Variants in SGCZ observed in about 807,000 individuals in gnomAD.
SGCZ encodes the protein sarcoglycan zeta.
Under a neutral mutation model 41.3 loss-of-function variants are expected in SGCZ, and 40 were observed. That is an observed-to-expected ratio of 0.97 (90% CI 0.75 to 1.26). The LOEUF is 1.26. SGCZ is among the 50% of genes most tolerant of loss of function. The probability of loss-of-function intolerance (pLI) is 0.00; values close to 1 mark genes in which losing one functional copy is unlikely to be tolerated. For missense variants in SGCZ, 552 were observed against 369.8 expected, an observed-to-expected ratio of 1.49 and a Z score of -4.04; for synonymous variants, 206 against 137.5, an observed-to-expected ratio of 1.50 and a Z score of -3.49.
At chr8:14,418,651 T>C (rs1347270919) in intron 2 of SGCZ, among the ~76,000 whole-genome samples, 1 of 151,942 alleles carries the variant, frequency 6.6e-6, no homozygotes. Flanking sequence ...AATACAGCAA[T>C]TGAAACTAAA....
chr8:14,641,162 C>T (rs188753967), intron 1 of SGCZ, among the ~76,000 whole-genome samples: 2 of 151,710 alleles, frequency 1.3e-5, no homozygotes, highest in African/African-American at 4.8e-5. Context: ...CAAATCATAT[C>T]AAAATTGCTT....
intron 1 of SGCZ, among the ~76,000 whole-genome samples, chr8:15,189,364 T>C (rs1233848779): frequency 6.6e-6 from 1 of 152,186 alleles, no homozygotes; most frequent in African/African-American, 2.4e-5. Flanking sequence ...AGAGGAATCA[T>C]GACCTCCTGA....
intron 1 of SGCZ, among the ~76,000 whole-genome samples, chr8:14,772,654 C>CACCT (rs1311385361): frequency 6.8e-6 from 1 of 148,008 alleles, no homozygotes; most frequent in African/African-American, 2.5e-5. Flanking sequence ...GTTCAATTCC[C>CACCT]ACCTATGAGT....
intron 3 of SGCZ, among the ~76,000 whole-genome samples, chr8:14,282,945 G>A (rs188042571): frequency 1.4e-5 from 2 of 138,690 alleles, no homozygotes; most frequent in East Asian, 4.4e-4. Flanking sequence ...CGCCTCCAGG[G>A]TTCACGCCAT....
chr8:14,322,775 G>C (rs1801969562), intron 3 of SGCZ, among the ~76,000 whole-genome samples: 1 of 152,026 alleles, frequency 6.6e-6, no homozygotes, highest in African/African-American at 2.4e-5. Context: ...CCATGTATAA[G>C]TTTTCATTCC....
At position 14,679,804 on chromosome 8, in the gene SGCZ, C is replaced by T. The variant is rs543736610; in HGVS notation, c.40-124878G>A. On this transcript the variant is annotated intron_variant, in intron 1 of 7. Coordinates refer to ENST00000382080, the MANE Select transcript of SGCZ (RefSeq NM_139167.4). ...CTACTCACCCAGAATAACTTCTAGA[C>T]CTGCAAGCTCCTTTCATGGTAAGTT... Among the ~76,000 whole-genome samples the T allele has an allele frequency of 4.6e-5, 7 of 152,122 alleles. No homozygotes were observed. In the South Asian group the frequency reaches 8.3e-4, roughly 18 times the overall value.
chr8:14,763,675 A>G (rs1799955130), intron 1 of SGCZ, among the ~76,000 whole-genome samples: 1 of 152,214 alleles, frequency 6.6e-6, no homozygotes, highest in Non-Finnish European at 1.5e-5. Context: ...AATACCATAG[A>G]GGAGGTAGGA....
chr8:15,003,566 G>A (rs1802500564), intron 1 of SGCZ, among the ~76,000 whole-genome samples: 1 of 152,156 alleles, frequency 6.6e-6, no homozygotes, highest in Non-Finnish European at 1.5e-5. Context: ...AAAATGGAAT[G>A]TGTTGACTTA....
chr8:14,678,505 A>C (rs1808344021), intron 1 of SGCZ, among the ~76,000 whole-genome samples: 1 of 152,222 alleles, frequency 6.6e-6, no homozygotes, highest in Admixed American at 6.5e-5. Context: ...AGAACTTATT[A>C]AAATTGCCAA....
chr8:15,118,292 G>C (rs1413199242), intron 1 of SGCZ, among the ~76,000 whole-genome samples: 1 of 152,136 alleles, frequency 6.6e-6, no homozygotes, highest in African/African-American at 2.4e-5. Context: ...GTCTTTAAGA[G>C]AATAATTGTA....
At chr8:14,494,050 A>G (rs1381857404) in intron 2 of SGCZ, among the ~76,000 whole-genome samples, 2 of 152,220 alleles carry the variant, frequency 1.3e-5, no homozygotes, top group Non-Finnish European at 2.9e-5. Flanking sequence ...TTCATCTCTT[A>G]AAAACAGGGT....
At chr8:15,019,006 T>A (rs1006483352) in intron 1 of SGCZ, among the ~76,000 whole-genome samples, 1 of 152,080 alleles carries the variant, frequency 6.6e-6, no homozygotes, top group Non-Finnish European at 1.5e-5. Flanking sequence ...AAGCAGGAAG[T>A]GCTACACACT....
intron 3 of SGCZ, among the ~76,000 whole-genome samples, chr8:14,297,948 G>T (rs1801067912): frequency 6.6e-6 from 1 of 151,542 alleles, no homozygotes; most frequent in Admixed American, 6.6e-5. Context: ...ATAAAATGAA[G>T]TTACAAAACA....
intron 2 of SGCZ, among the ~76,000 whole-genome samples, chr8:14,381,506 G>A (rs1804362762): frequency 6.6e-6 from 1 of 152,032 alleles, no homozygotes; most frequent in Non-Finnish European, 1.5e-5. Context: ...CAGGCACGGT[G>A]ACTCATGCCT....
At chr8:14,710,845 G>A (rs749901704) in intron 1 of SGCZ, among the ~76,000 whole-genome samples, 19 of 152,086 alleles carry the variant, frequency 1.2e-4, no homozygotes, top group Non-Finnish European at 2.5e-4. Context: ...AAGTCATGCG[G>A]AATTTTCATT....
chr8:14,665,634 A>G (rs1021833115), intron 1 of SGCZ, among the ~76,000 whole-genome samples: 2 of 152,208 alleles, frequency 1.3e-5, no homozygotes, highest in East Asian at 1.9e-4. Context: ...TATTTTAAAA[A>G]GTAATCCTTT....
At chr8:14,639,947 C>G (rs1446043059) in intron 1 of SGCZ, among the ~76,000 whole-genome samples, 1 of 151,648 alleles carries the variant, frequency 6.6e-6, no homozygotes, top group East Asian at 1.9e-4. Context: ...AAATGACAGA[C>G]AGTAGTTACT....
At chr8:15,128,456 C>T (rs1305678840) in intron 1 of SGCZ, among the ~76,000 whole-genome samples, 1 of 152,216 alleles carries the variant, frequency 6.6e-6, no homozygotes, top group Non-Finnish European at 1.5e-5. Context: ...GGCCTGCCTG[C>T]CTGGCTGAGC....
chr8:14,966,770 ATG>A lies in SGCZ; in HGVS notation c.39+270813_39+270814del, dbSNP rs138622183. Among the ~76,000 whole-genome samples, 1,218 of 152,290 alleles carry A rather than the reference ATG, an allele frequency of 8.0e-3. 11 individuals carry two copies. The highest frequency in any genetic ancestry group is 0.028 in the African/African-American group (1,163 of 41,560). On this transcript the variant is annotated intron_variant, in intron 1 of 7. Coordinates refer to ENST00000382080, the MANE Select transcript of SGCZ (RefSeq NM_139167.4). ...GTTTTAAACAAATAGTATAGAAAAG[ATG>A]TGTTATCCAAGATGGAGAAGTTTAG... is the stretch of plus-strand genomic sequence containing the variant.
Sources: allele counts gnomAD v4.1 joint callset (sites outside exome capture counted in the v4.1 genomes callset), GRCh38; gene constraint gnomAD v4.1.1; transcripts MANE v1.5; gene names NCBI Gene and HGNC (gene_info 2026-07-23, HGNC 2026-07-21).